Variants in FOXP2 observed in about 807,000 individuals in gnomAD.
FOXP2 encodes the protein forkhead box P2.
A neutral mutation model predicts 115.8 loss-of-function variants in FOXP2; 12 were observed. The ratio of observed to expected loss-of-function variants is 0.10; its 90% CI spans 0.07 to 0.17. The LOEUF is 0.17. Ranked by LOEUF, FOXP2 falls within the 10% of genes least tolerant of loss-of-function variation. FOXP2 has a pLI of 1.00. For missense variants in FOXP2, 629 were observed against 843.5 expected (o/e 0.75, Z 3.15); for synonymous variants, 328 against 297.7 (o/e 1.10, Z -1.05).
intron 1 of FOXP2, among the ~76,000 whole-genome samples, chr7:114,193,134 C>T (rs1160208646): frequency 2.6e-5 from 4 of 151,926 alleles, no homozygotes; most frequent in Non-Finnish European, 5.9e-5. Flanking sequence ...CTTTCCTATA[C>T]TTTGTTGAAG....
chr7:114,397,567 G>C (rs1031999456), intron 2 of FOXP2, among the ~76,000 whole-genome samples: 1 of 152,118 alleles, frequency 6.6e-6, no homozygotes, highest in Non-Finnish European at 1.5e-5. Context: ...ATGAAGGAGC[G>C]TTGCAAAGAG....
chr7:114,091,653 G>A (rs1469767687), intron 1 of FOXP2, among the ~76,000 whole-genome samples: 1 of 151,640 alleles, frequency 6.6e-6, no homozygotes, highest in Non-Finnish European at 1.5e-5. Flanking sequence ...ATTTACAGCT[G>A]GATTCACTTT....
At chr7:114,332,091 C>CCT (rs776863832) in intron 2 of FOXP2, among the ~76,000 whole-genome samples, 11 of 151,762 alleles carry the variant, frequency 7.2e-5, no homozygotes, top group Admixed American at 5.9e-4. Flanking sequence ...GCTGTCTGTA[C>CCT]CTCTGTGTGT....
At chr7:114,437,914 G>A (rs919295358) in intron 2 of FOXP2, among the ~76,000 whole-genome samples, 4 of 152,222 alleles carry the variant, frequency 2.6e-5, no homozygotes, top group South Asian at 2.1e-4. Flanking sequence ...GAATTGAGAC[G>A]TGCTTTAAGT....
intron 2 of FOXP2, among the ~76,000 whole-genome samples, chr7:114,399,396 A>C (rs12534017): frequency 0.46 from 70,396 of 151,944 alleles, 19,132 homozygotes; most frequent in East Asian, 0.95. Flanking sequence ...GTGTGAGCCA[A>C]TGCACCCAGC....
chr7:114,305,775 T>G (rs571413982), intron 2 of FOXP2, among the ~76,000 whole-genome samples: 2 of 152,266 alleles, frequency 1.3e-5, no homozygotes, highest in Admixed American at 6.6e-5. Flanking sequence ...CCAGGTTTTC[T>G]AATCACTTTA....
chr7:114,159,196 G>C (rs1324777185), upstream of FOXP2, among the ~76,000 whole-genome samples: 1 of 152,128 alleles, frequency 6.6e-6, no homozygotes, highest in Non-Finnish European at 1.5e-5. Flanking sequence ...AGAGTTAGGA[G>C]AGGAATTAAG....
intron 14 of FOXP2, among the ~76,000 whole-genome samples, chr7:114,663,050 T>C (rs931934582): frequency 1.3e-5 from 2 of 152,202 alleles, no homozygotes; most frequent in African/African-American, 4.8e-5. Flanking sequence ...TGTTAATTCA[T>C]GGTGTTCTAG....
At chr7:114,245,009 G>A (rs1161120057) in intron 1 of FOXP2, among the ~76,000 whole-genome samples, 2 of 152,112 alleles carry the variant, frequency 1.3e-5, no homozygotes, top group Admixed American at 6.5e-5. Flanking sequence ...TGATCCGCCC[G>A]CCTCGGCCTC....
chr7:114,599,449 TG>T (rs1422803579), intron 3 of FOXP2, among the ~76,000 whole-genome samples: 1 of 152,152 alleles, frequency 6.6e-6, no homozygotes, highest in African/African-American at 2.4e-5. Context: ...AAGAATTCAC[TG>T]GTAAAGTCAA....
intron 16 of FOXP2, among the ~76,000 whole-genome samples, chr7:114,677,180 A>AAAAAAAAAAAAAAAC (rs1554443474): frequency 6.8e-6 from 1 of 147,940 alleles, no homozygotes. Context: ...AACAAAAAAA[A>AAAAAAAAAAAAAAAC]AAAAAACAAA....
intron 1 of FOXP2, among the ~76,000 whole-genome samples, chr7:114,268,011 T>C (rs796880756): frequency 4.5e-4 from 68 of 152,190 alleles, no homozygotes; most frequent in African/African-American, 1.5e-3. Flanking sequence ...TCTGTGTCCA[T>C]GTATTTGACT....
chr7:114,235,767 G>GA (rs1794992596), intron 1 of FOXP2, among the ~76,000 whole-genome samples: 3 of 152,124 alleles, frequency 2.0e-5, no homozygotes, highest in African/African-American at 7.2e-5. Context: ...TGGCTGGTGG[G>GA]ACTCTTACCT....
chr7:114,089,433 C>T (rs1406359119), intron 1 of FOXP2, among the ~76,000 whole-genome samples: 1 of 151,686 alleles, frequency 6.6e-6, no homozygotes, highest in Non-Finnish European at 1.5e-5. Context: ...ATAAATACAG[C>T]AATAAAAGGA....
At chr7:114,297,366 A>C (rs991450433) in intron 2 of FOXP2, 1 of 715,186 alleles carries the variant, frequency 1.4e-6, no homozygotes, top group Non-Finnish European at 2.4e-6. Context: ...GGGCTTGCTC[A>C]CGTTCTTGGT....
intron 2 of FOXP2, among the ~76,000 whole-genome samples, chr7:114,388,024 T>C (rs1285135796): frequency 6.6e-6 from 1 of 152,218 alleles, no homozygotes; most frequent in Non-Finnish European, 1.5e-5. Flanking sequence ...CCTCATATTT[T>C]AATATATAAC....
chr7:114,153,433 G>A (rs1011825528), intron 1 of FOXP2, among the ~76,000 whole-genome samples: 1 of 152,106 alleles, frequency 6.6e-6, no homozygotes, highest in African/African-American at 2.4e-5. Flanking sequence ...AGTGAAAAAT[G>A]CTTATGACGT....
At chr7:114,688,299 T>C (rs941226069) in intron 16 of FOXP2, among the ~76,000 whole-genome samples, 2 of 149,272 alleles carry the variant, frequency 1.3e-5, no homozygotes, top group Non-Finnish European at 3.0e-5. Flanking sequence ...TGGTTCAAAC[T>C]AGCTAAAAAA....
At chr7:114,233,345 A>G (rs1390491321) in intron 1 of FOXP2, among the ~76,000 whole-genome samples, 1 of 152,238 alleles carries the variant, frequency 6.6e-6, no homozygotes, top group Non-Finnish European at 1.5e-5. Context: ...TATGTCTTAT[A>G]CAAAACAGAG....
Sources: allele counts gnomAD v4.1 joint callset (sites outside exome capture counted in the v4.1 genomes callset), GRCh38; gene constraint gnomAD v4.1.1; transcripts MANE v1.5; gene names NCBI Gene and HGNC (gene_info 2026-07-23, HGNC 2026-07-21).